The following ALX4 variants were observed in gnomAD, a reference collection of about 807,000 sequenced individuals.
The protein encoded by ALX4 is ALX homeobox 4, also known as homeobox protein aristaless-like 4.
In ALX4, 22 loss-of-function variants were observed where a neutral mutation model predicts 40.6. That is an observed-to-expected ratio of 0.54 (90% confidence interval 0.39 to 0.77). The LOEUF (loss-of-function observed/expected upper bound fraction) is 0.77. Ranked by LOEUF, ALX4 falls within the 30% of genes least tolerant of loss-of-function variation. The pLI, the probability that ALX4 is intolerant of heterozygous loss-of-function variation, is 0.00. For synonymous variants in ALX4, 266 were observed against 240.5 expected, an observed-to-expected ratio of 1.11 and a Z score of -0.98; for missense variants, 556 against 564.8, an observed-to-expected ratio of 0.98 and a Z score of 0.16.
chr11:44,292,604 C>T (rs990592968), intron 1 of ALX4, among the ~76,000 whole-genome samples: 3 of 151,944 alleles, frequency 2.0e-5, no homozygotes, highest in African/African-American at 7.3e-5. Context: ...TTTAAAAAAT[C>T]CACATTTACA....
rs572343537 is a variant in ALX4, at chr11:44,274,249, T to C, written c.777+1099A>G. Among the ~76,000 whole-genome samples the C allele has an allele frequency of 6.6e-5, 10 of 152,324 alleles. No individual in the cohort carries two copies. In the East Asian group the frequency reaches 1.5e-3, roughly 23 times the overall value. On this transcript the variant is annotated intron_variant, in intron 2 of 3. Coordinates refer to ENST00000652299, the MANE Select transcript of ALX4 (RefSeq NM_021926.4). ...TTGTGTTGGGTTGGGTTGAGTTCTA[T>C]TGGGTTGTGTTGAGTGGGTTGAGTG...
chr11:44,280,899 G>A (rs1334858163), intron 1 of ALX4, among the ~76,000 whole-genome samples: 1 of 152,216 alleles, frequency 6.6e-6, no homozygotes, highest in Non-Finnish European at 1.5e-5. Flanking sequence ...GGGGACCCCC[G>A]TACCACTGGG....
intron 1 of ALX4, among the ~76,000 whole-genome samples, chr11:44,280,651 C>G (rs115412713): frequency 6.6e-6 from 1 of 152,198 alleles, no homozygotes; most frequent in Non-Finnish European, 1.5e-5. Flanking sequence ...AAGTAAACCC[C>G]TGACTACTTA....
intron 1 of ALX4, among the ~76,000 whole-genome samples, chr11:44,303,554 T>C (rs903751129): frequency 7.2e-5 from 11 of 152,170 alleles, no homozygotes; most frequent in African/African-American, 2.7e-4. Context: ...AGTACCACCC[T>C]ACACACCCCA....
chr11:44,283,530 TA>T (rs1956321732), intron 1 of ALX4, among the ~76,000 whole-genome samples: 1 of 152,210 alleles, frequency 6.6e-6, no homozygotes, highest in African/African-American at 2.4e-5. Flanking sequence ...GATATTTCCA[TA>T]AATGGAAGAT....
intron 1 of ALX4, among the ~76,000 whole-genome samples, chr11:44,280,727 G>A (rs1956304950): frequency 6.6e-6 from 1 of 152,228 alleles, no homozygotes; most frequent in Non-Finnish European, 1.5e-5. Flanking sequence ...AGGGTGTTGT[G>A]CACGCAGTGT....
At chr11:44,286,420 A>G (rs1956339007) in intron 1 of ALX4, among the ~76,000 whole-genome samples, 1 of 152,160 alleles carries the variant, frequency 6.6e-6, no homozygotes, top group Non-Finnish European at 1.5e-5. Flanking sequence ...CCAGAAGGCT[A>G]AGCATTCAGG....
At chr11:44,276,285 A>T (rs1035561114) in intron 1 of ALX4, among the ~76,000 whole-genome samples, 4 of 152,160 alleles carry the variant, frequency 2.6e-5, no homozygotes, top group African/African-American at 9.7e-5. Flanking sequence ...TGTTCAAGAG[A>T]AGGGTCTTTC....
chr11:44,272,455 G>T (rs1956253723), intron 2 of ALX4, among the ~76,000 whole-genome samples: 2 of 150,758 alleles, frequency 1.3e-5, no homozygotes, highest in African/African-American at 4.9e-5. Context: ...AGTGAGCCAA[G>T]ATTGCACCAC....
chr11:44,296,924 G>C (rs1157547876), intron 1 of ALX4, among the ~76,000 whole-genome samples: 1 of 149,750 alleles, frequency 6.7e-6, no homozygotes, highest in Non-Finnish European at 1.5e-5. Context: ...CAAGAGAATC[G>C]CTTGAACCCG....
chr11:44,294,766 TC>T (rs1361664999), intron 1 of ALX4, among the ~76,000 whole-genome samples: 1 of 152,222 alleles, frequency 6.6e-6, no homozygotes, highest in Non-Finnish European at 1.5e-5. Context: ...ATCTTATCAA[TC>T]ATAACAGCTA....
intron 1 of ALX4, among the ~76,000 whole-genome samples, chr11:44,305,638 T>C (rs1194490582): frequency 6.6e-6 from 1 of 152,246 alleles, no homozygotes; most frequent in Non-Finnish European, 1.5e-5. Flanking sequence ...GCATGGATTG[T>C]GTCGGTGCAG....
intron 2 of ALX4, among the ~76,000 whole-genome samples, chr11:44,268,457 G>A (rs1956225925): frequency 2.6e-5 from 4 of 152,186 alleles, no homozygotes; most frequent in African/African-American, 7.2e-5. Flanking sequence ...TGGCCTGATG[G>A]TGAGAGGAAG....
intron 1 of ALX4, among the ~76,000 whole-genome samples, chr11:44,283,266 T>C (rs1405441974): frequency 1.3e-5 from 2 of 149,264 alleles, no homozygotes; most frequent in Non-Finnish European, 3.0e-5. Context: ...AAAAAAAAAA[T>C]TTACAGCATG....
chr11:44,305,988 TGA>T (rs1443630055), intron 1 of ALX4, among the ~76,000 whole-genome samples: 1 of 152,216 alleles, frequency 6.6e-6, no homozygotes, highest in African/African-American at 2.4e-5. Flanking sequence ...GTCCCTGCCC[TGA>T]GTACAGGGAG....
chr11:44,296,577 T>C (rs923055260), intron 1 of ALX4, among the ~76,000 whole-genome samples: 10 of 152,114 alleles, frequency 6.6e-5, no homozygotes, highest in Admixed American at 4.6e-4. Context: ...GGAATTAATA[T>C]CCAGAATTCC....
intron 1 of ALX4, among the ~76,000 whole-genome samples, chr11:44,298,281 A>T (rs1371602117): frequency 6.6e-6 from 1 of 152,156 alleles, no homozygotes; most frequent in African/African-American, 2.4e-5. Flanking sequence ...CTCAGATTGC[A>T]TATGCCGGGG....
intron 1 of ALX4, among the ~76,000 whole-genome samples, chr11:44,302,391 C>T (rs1458281969): frequency 6.6e-6 from 1 of 152,228 alleles, no homozygotes; most frequent in East Asian, 1.9e-4. Context: ...CCTAAGCTGG[C>T]TCCTGGGTGC....
At chr11:44,286,781 C>T (rs1454094227) in intron 1 of ALX4, among the ~76,000 whole-genome samples, 2 of 152,182 alleles carry the variant, frequency 1.3e-5, no homozygotes, top group Non-Finnish European at 2.9e-5. Context: ...AATTCCCACA[C>T]TGTGGCCCCA....
Sources: allele counts gnomAD v4.1 joint callset (sites outside exome capture counted in the v4.1 genomes callset), GRCh38; gene constraint gnomAD v4.1.1; transcripts MANE v1.5; gene names NCBI Gene and HGNC (gene_info 2026-07-23, HGNC 2026-07-21).